AFG2A: variants seen among roughly 807,000 people sequenced by gnomAD.
AFG2A encodes ATPase family gene 2 protein homolog A.
chr4:123,082,255 A>G, the AFG2A span, among the ~76,000 whole-genome samples: 1 of 151,980 alleles, frequency 6.6e-6, no homozygotes, highest in African/African-American at 2.4e-5. Context: ...GGTGTTTTAT[A>G]ATTTGTGTTT....
chr4:123,193,758 A>G, the AFG2A span, among the ~76,000 whole-genome samples: 9 of 152,364 alleles, frequency 5.9e-5, no homozygotes, highest in South Asian at 6.2e-4. Context: ...TATTTTCATT[A>G]CAACTTAAAC....
At chr4:123,130,929 G>GT in the AFG2A span, among the ~76,000 whole-genome samples, 2,404 of 149,324 alleles carry the variant, frequency 0.016, 39 homozygotes, top group African/African-American at 0.045. Context: ...TATTGTCAGT[G>GT]TTTTTTTTTT....
At chr4:123,209,341 A>G in the AFG2A span, among the ~76,000 whole-genome samples, 5 of 152,146 alleles carry the variant, frequency 3.3e-5, no homozygotes, top group Admixed American at 3.3e-4. Flanking sequence ...ACTTGGTAGT[A>G]GGGAGAAATC....
chr4:122,951,681 C>T, the AFG2A span, among the ~76,000 whole-genome samples: 10 of 152,206 alleles, frequency 6.6e-5, no homozygotes, highest in African/African-American at 2.4e-4. Flanking sequence ...TGGCAGCTTG[C>T]AGCTCAGCTC....
chr4:122,983,858 G>A, the AFG2A span, among the ~76,000 whole-genome samples: 1 of 152,212 alleles, frequency 6.6e-6, no homozygotes, highest in African/African-American at 2.4e-5. Flanking sequence ...GACTTGCTGG[G>A]TGGCTAGACC....
the AFG2A span, among the ~76,000 whole-genome samples, chr4:122,925,794 C>T: frequency 6.6e-6 from 1 of 152,190 alleles, no homozygotes; most frequent in African/African-American, 2.4e-5. Flanking sequence ...CTCACTCATC[C>T]TACAAGGCTA....
the AFG2A span, among the ~76,000 whole-genome samples, chr4:123,239,126 A>G: frequency 0.014 from 2,144 of 152,296 alleles, 49 homozygotes; most frequent in African/African-American, 0.048. Context: ...GCGAGAAGAG[A>G]AGTTTAGAGA....
the AFG2A span, among the ~76,000 whole-genome samples, chr4:123,311,849 T>C: frequency 6.6e-6 from 1 of 152,182 alleles, no homozygotes; most frequent in Non-Finnish European, 1.5e-5. Context: ...AACCATTTCT[T>C]CTTCTGCCAG....
At chr4:123,167,954 T>C in the AFG2A span, among the ~76,000 whole-genome samples, 1 of 152,200 alleles carries the variant, frequency 6.6e-6, no homozygotes, top group Non-Finnish European at 1.5e-5. Context: ...CAGCAGACCC[T>C]AGTTGAGAAC....
At chr4:123,148,640 C>T in the AFG2A span, among the ~76,000 whole-genome samples, 1 of 152,036 alleles carries the variant, frequency 6.6e-6, no homozygotes, top group Admixed American at 6.6e-5. Flanking sequence ...CTTTTCTAAT[C>T]TATTATAGAT....
At chr4:123,120,968 C>T in the AFG2A span, among the ~76,000 whole-genome samples, 6 of 151,974 alleles carry the variant, frequency 3.9e-5, no homozygotes, top group Non-Finnish European at 5.9e-5. Context: ...TGTAAACGTA[C>T]GAGATGACAG....
chr4:123,001,623 T>A, the AFG2A span, among the ~76,000 whole-genome samples: 1 of 150,756 alleles, frequency 6.6e-6, no homozygotes, highest in Non-Finnish European at 1.5e-5. Context: ...TTTGAGTGAG[T>A]TTCTTAATCC....
At chr4:123,108,155 C>T in the AFG2A span, among the ~76,000 whole-genome samples, 35 of 152,302 alleles carry the variant, frequency 2.3e-4, no homozygotes, top group South Asian at 6.0e-3. Context: ...GCGCTCCAGA[C>T]GGGCCGCTGC....
At chr4:123,143,082 T>C in the AFG2A span, among the ~76,000 whole-genome samples, 1 of 151,528 alleles carries the variant, frequency 6.6e-6, no homozygotes, top group Non-Finnish European at 1.5e-5. Flanking sequence ...GTATGTATAA[T>C]GCAAATATTA....
chr4:123,287,156 C>A, the AFG2A span, among the ~76,000 whole-genome samples: 7 of 152,296 alleles, frequency 4.6e-5, no homozygotes, highest in African/African-American at 1.7e-4. Flanking sequence ...TGAATACTTT[C>A]AGGAACTACT....
chr4:122,992,615 A>G, the AFG2A span, among the ~76,000 whole-genome samples: 1 of 152,362 alleles, frequency 6.6e-6, no homozygotes, highest in East Asian at 1.9e-4. Flanking sequence ...ATGTTTTCAG[A>G]AAAGATTTTA....
At chr4:123,187,421 T>C in the AFG2A span, among the ~76,000 whole-genome samples, 3,437 of 152,296 alleles carry the variant, frequency 0.023, 135 homozygotes, top group African/African-American at 0.076. Flanking sequence ...TTAGTTGTTA[T>C]CGCTGAATTC....
At chr4:122,936,182 G>T in the AFG2A span, 4 of 1,571,758 alleles carry the variant, frequency 2.5e-6, no homozygotes, top group South Asian at 2.4e-5. Context: ...AAATGTTTTG[G>T]AATTAATAAT....
chr4:122,952,826 A>C, the AFG2A span, among the ~76,000 whole-genome samples: 1 of 152,148 alleles, frequency 6.6e-6, no homozygotes, highest in Non-Finnish European at 1.5e-5. Context: ...GATGCTGAAG[A>C]AGGCATTGGT....
Sources: gnomAD v4.1 joint callset for allele counts (sites outside exome capture counted in the v4.1 genomes callset) on GRCh38, gnomAD v4.1.1 for gene constraint, MANE v1.5 for transcripts, NCBI Gene and HGNC (gene_info 2026-07-23, HGNC 2026-07-21) for gene names.